The following LCLAT1 variants were observed in gnomAD, a reference collection of about 807,000 sequenced individuals.
The protein encoded by LCLAT1 is lysocardiolipin acyltransferase 1, also known as 1-AGP acyltransferase 8.
LCLAT1 carries 11 observed loss-of-function variants against 30.7 expected under a neutral mutation model. That is an observed-to-expected ratio of 0.36 (90% CI 0.23 to 0.59). The LOEUF is 0.59. LCLAT1 is among the 20% of genes least tolerant of loss of function. The pLI, the probability that LCLAT1 is intolerant of heterozygous loss-of-function variation, is 0.77. For synonymous variants in LCLAT1, 155 were observed against 151.3 expected (o/e 1.02, Z -0.18); for missense variants, 402 against 458.6 (o/e 0.88, Z 1.13).
chr2:30,624,948 A>G (rs1319377391), intron 5 of LCLAT1, among the ~76,000 whole-genome samples: 1 of 152,148 alleles, frequency 6.6e-6, no homozygotes, highest in African/African-American at 2.4e-5. Flanking sequence ...CTGGAAATCA[A>G]CTCCAAAAGG....
rs55801578 is a variant in LCLAT1, at chr2:30,607,845, CTGTGTGTGTGTGTGTGTGTGTG to C, written c.629-32238_629-32217del. The C allele has an allele frequency of 2.8e-3, 388 of 138,410 alleles. 4 individuals carry two copies. Among genetic ancestry groups the C allele is most frequent in the Middle Eastern group, 0.011 (3 of 284 alleles). 8.6% of individuals were successfully genotyped at this position (138,410 alleles called of 1,614,324 possible). ...GATCCTGACCCTGTGTAGGCCTAGGCTGTGTGTGTGTGTGTGTGTGTGTGTGTGTGTGTGTGTGTGTGTGTGT... is the reference window on the plus strand; with the variant it reads ...GATCCTGACCCTGTGTAGGCCTAGGCTGTGTGTGTGTGTGTGTGTGTGTGT... On this transcript the variant is annotated intron_variant, in intron 5 of 5. Coordinates refer to ENST00000379509, the MANE Select transcript of LCLAT1 (RefSeq NM_001002257.3).
intron 1 of LCLAT1, among the ~76,000 whole-genome samples, chr2:30,479,043 T>G (rs1204217651): frequency 1.3e-5 from 2 of 152,122 alleles, no homozygotes; most frequent in Non-Finnish European, 2.9e-5. Flanking sequence ...AGCTCAAACT[T>G]GAAAAATACA....
intron 1 of LCLAT1, among the ~76,000 whole-genome samples, chr2:30,516,900 CATCTGAGTT>C (rs891240321): frequency 1.3e-5 from 2 of 152,162 alleles, no homozygotes; most frequent in Non-Finnish European, 2.9e-5. Flanking sequence ...GAACAGCCCC[CATCTGAGTT>C]GGGAGCATTG....
intron 5 of LCLAT1, among the ~76,000 whole-genome samples, chr2:30,639,137 C>A (rs1669178249): frequency 6.6e-6 from 1 of 152,216 alleles, no homozygotes; most frequent in Non-Finnish European, 1.5e-5. Flanking sequence ...AACATGGGGT[C>A]TTGGACCACA....
At chr2:30,575,623 A>G (rs1665963020) in intron 5 of LCLAT1, among the ~76,000 whole-genome samples, 1 of 152,108 alleles carries the variant, frequency 6.6e-6, no homozygotes, top group Admixed American at 6.6e-5. Flanking sequence ...TTCTTTTTTT[A>G]ACTACCGGAG....
intron 1 of LCLAT1, among the ~76,000 whole-genome samples, chr2:30,506,996 G>A (rs1684696076): frequency 6.6e-6 from 1 of 152,080 alleles, no homozygotes; most frequent in Admixed American, 6.6e-5. Flanking sequence ...AATAATCTCA[G>A]TAATCAGGTT....
chr2:30,505,572 A>G (rs964330918), intron 1 of LCLAT1, among the ~76,000 whole-genome samples: 1 of 152,166 alleles, frequency 6.6e-6, no homozygotes, highest in Non-Finnish European at 1.5e-5. Flanking sequence ...AGAGAAGTAC[A>G]TAAATCACAA....
chr2:30,547,011 AT>A (rs1307569784), intron 3 of LCLAT1, among the ~76,000 whole-genome samples: 3 of 152,032 alleles, frequency 2.0e-5, no homozygotes, highest in African/African-American at 7.3e-5. Flanking sequence ...CCCTTCCCAA[AT>A]TAAGCCCCCA....
At chr2:30,510,137 G>T (rs995921021) in intron 1 of LCLAT1, among the ~76,000 whole-genome samples, 16 of 152,076 alleles carry the variant, frequency 1.1e-4, no homozygotes, top group Admixed American at 9.8e-4. Context: ...ATGTATAGTT[G>T]TCACCCTGAA....
chr2:30,603,979 C>T (rs770192566), intron 5 of LCLAT1, among the ~76,000 whole-genome samples: 51 of 152,094 alleles, frequency 3.4e-4, no homozygotes, highest in Admixed American at 3.9e-4. Context: ...AATGTAATTG[C>T]TACTACATAA....
At chr2:30,466,134 ATTCT>A (rs1281656082) in intron 1 of LCLAT1, among the ~76,000 whole-genome samples, 1 of 152,092 alleles carries the variant, frequency 6.6e-6, no homozygotes, top group African/African-American at 2.4e-5. Context: ...CTATTTGATA[ATTCT>A]TTATTTTATT....
At chr2:30,559,441 A>G (rs1231358753) in intron 3 of LCLAT1, among the ~76,000 whole-genome samples, 1 of 152,208 alleles carries the variant, frequency 6.6e-6, no homozygotes, top group African/African-American at 2.4e-5. Context: ...ATATTCAAGG[A>G]CTTTTATCTA....
intron 1 of LCLAT1, among the ~76,000 whole-genome samples, chr2:30,520,637 G>A (rs561654194): frequency 5.9e-4 from 90 of 152,104 alleles, no homozygotes; most frequent in Admixed American, 2.4e-3. Context: ...TGAACAGGTC[G>A]GCATGTAAAA....
intron 5 of LCLAT1, among the ~76,000 whole-genome samples, chr2:30,597,226 C>T (rs1666963151): frequency 6.6e-6 from 1 of 151,468 alleles, no homozygotes; most frequent in Non-Finnish European, 1.5e-5. Flanking sequence ...CTGTAAATTG[C>T]TTTGGGCAGT....
intron 5 of LCLAT1, among the ~76,000 whole-genome samples, chr2:30,584,615 T>C: frequency 6.6e-6 from 1 of 152,204 alleles, no homozygotes; most frequent in African/African-American, 2.4e-5. Flanking sequence ...GTTTATTGTC[T>C]GTGTATAATT....
At chr2:30,542,207 A>G (rs1664175491) in intron 3 of LCLAT1, among the ~76,000 whole-genome samples, 1 of 151,984 alleles carries the variant, frequency 6.6e-6, no homozygotes. Context: ...CAAAGAGCAA[A>G]CTTTATCTTC....
chr2:30,476,536 C>G (rs1372263410), intron 1 of LCLAT1: 1 of 455,964 alleles, frequency 2.2e-6, no homozygotes, highest in African/African-American at 2.0e-5. Flanking sequence ...TTAGGAGAAT[C>G]TAATGCCTGA....
rs550829993 is a variant in LCLAT1, at chr2:30,606,977, T to C, written c.629-33140T>C. 6 of 152,116 alleles carry C rather than the reference T, an allele frequency of 3.9e-5. No individual in the cohort carries two copies. The East Asian group carries it at 5.8e-4, about 15-fold the overall frequency. The allele number at this position is 152,116 out of a possible 1,614,324, so 9.4% of individuals were successfully genotyped here. Reference sequence around the variant, plus strand: ...GACATTTATATGGCTAATAAACTTATGAAAAAAAGCTCAACATCACTGATC... The same window carrying C: ...GACATTTATATGGCTAATAAACTTACGAAAAAAAGCTCAACATCACTGATC... On this transcript the variant is annotated intron_variant, in intron 5 of 5. Transcript: ENST00000379509.
At chr2:30,481,634 T>C (rs1033576055) in intron 1 of LCLAT1, among the ~76,000 whole-genome samples, 1 of 152,118 alleles carries the variant, frequency 6.6e-6, no homozygotes, top group South Asian at 2.1e-4. Context: ...GAAGTAGCTA[T>C]TGGATGTGGC....
Sources: allele counts gnomAD v4.1 joint callset (sites outside exome capture counted in the v4.1 genomes callset), GRCh38; gene constraint gnomAD v4.1.1; transcripts MANE v1.5; gene names NCBI Gene and HGNC (gene_info 2026-07-23, HGNC 2026-07-21).